The following TASP1 variants were observed in gnomAD, a reference collection of about 807,000 sequenced individuals.
TASP1 encodes the protein threonine aspartase 1.
A neutral mutation model predicts 56.6 loss-of-function variants in TASP1; 16 were observed. The ratio of observed to expected loss-of-function variants is 0.28; its 90% CI spans 0.19 to 0.43. TASP1 has a LOEUF of 0.43. TASP1 is among the 20% of genes least tolerant of loss of function. TASP1 has a pLI of 1.00. For missense variants in TASP1, 393 were observed against 511.6 expected (o/e 0.77, Z 2.24); for synonymous variants, 179 against 184.2 (o/e 0.97, Z 0.23).
chr20:13,228,596 G>A, the TASP1 span, among the ~76,000 whole-genome samples: 12 of 151,168 alleles, frequency 7.9e-5, no homozygotes, highest in East Asian at 3.9e-4. Context: ...TTTAATGTTC[G>A]GAAATTTTAC....
At chr20:13,417,359 GA>G in intron 13 of TASP1, 88 bp downstream of exon 13, 2 of 1,438,256 alleles carry the variant, frequency 1.4e-6, no homozygotes, top group Non-Finnish European at 1.9e-6. Context: ...AAAAAAAGCT[GA>G]AAAAATTCAT....
the TASP1 span, among the ~76,000 whole-genome samples, chr20:13,259,107 AC>A: frequency 6.6e-6 from 1 of 151,776 alleles, no homozygotes; most frequent in Non-Finnish European, 1.5e-5. Context: ...ACATGGTGAA[AC>A]CCCGTCTCTA....
chr20:13,455,918 AT>A (rs1295658976), intron 11 of TASP1, among the ~76,000 whole-genome samples: 1 of 152,158 alleles, frequency 6.6e-6, no homozygotes, highest in Admixed American at 6.6e-5. Flanking sequence ...TGACTAAAAA[AT>A]TTAAGTTGAA....
the TASP1 span, among the ~76,000 whole-genome samples, chr20:13,370,909 T>C: frequency 1.3e-5 from 2 of 152,212 alleles, no homozygotes; most frequent in Non-Finnish European, 2.9e-5. Context: ...TGCTGTTTTC[T>C]GTAAGAATTT....
intron 10 of TASP1, among the ~76,000 whole-genome samples, chr20:13,521,094 G>A (rs2044733489): frequency 6.6e-6 from 1 of 152,196 alleles, no homozygotes; most frequent in African/African-American, 2.4e-5. Context: ...ACACCAGTTA[G>A]AATGGTGATC....
At chr20:13,221,658 C>A in the TASP1 span, 6 of 859,596 alleles carry the variant, frequency 7.0e-6, no homozygotes, top group African/African-American at 1.8e-5. Flanking sequence ...GGAGCCCTGG[C>A]GGGAGCCGAG....
At chr20:13,309,748 G>A in the TASP1 span, among the ~76,000 whole-genome samples, 1 of 151,924 alleles carries the variant, frequency 6.6e-6, no homozygotes, top group Non-Finnish European at 1.5e-5. Flanking sequence ...ATTCAGTAAA[G>A]TCATAGGATA....
the TASP1 span, among the ~76,000 whole-genome samples, chr20:13,226,924 G>C: frequency 1.3e-5 from 2 of 152,120 alleles, no homozygotes. Context: ...AAGAGCATGC[G>C]TACAGGGAGG....
chr20:13,160,268 C>A, the TASP1 span: 2 of 1,079,092 alleles, frequency 1.9e-6, no homozygotes, highest in Non-Finnish European at 2.5e-6. Context: ...AAAGTCACTG[C>A]CAAAAAACAA....
At chr20:13,334,027 A>T in the TASP1 span, among the ~76,000 whole-genome samples, 3 of 152,224 alleles carry the variant, frequency 2.0e-5, no homozygotes, top group Non-Finnish European at 4.4e-5. Context: ...GGCAGAACAC[A>T]GCAAGTTCCA....
At chr20:13,497,426 G>C (rs1396029286) in intron 10 of TASP1, among the ~76,000 whole-genome samples, 1 of 152,154 alleles carries the variant, frequency 6.6e-6, no homozygotes, top group African/African-American at 2.4e-5. Flanking sequence ...CTCATAGGTG[G>C]GTGAAAGTAA....
At chr20:13,372,890 C>T in the TASP1 span, among the ~76,000 whole-genome samples, 1 of 151,994 alleles carries the variant, frequency 6.6e-6, no homozygotes, top group African/African-American at 2.4e-5. Context: ...CATCAAGAAA[C>T]AGAAATGTTC....
At chr20:13,613,761 A>G (rs148858755) in intron 4 of TASP1, among the ~76,000 whole-genome samples, 1 of 152,168 alleles carries the variant, frequency 6.6e-6, no homozygotes, top group Non-Finnish European at 1.5e-5. Flanking sequence ...AAAGAGTAAA[A>G]AGTTCAAGAA....
intron 1 of TASP1, among the ~76,000 whole-genome samples, chr20:13,634,638 G>A (rs1460345359): frequency 1.3e-5 from 2 of 151,412 alleles, no homozygotes; most frequent in African/African-American, 4.9e-5. Flanking sequence ...GTTGAGACAG[G>A]AGAATCGCTT....
At chr20:13,530,852 G>A (rs1176929923) in intron 9 of TASP1, among the ~76,000 whole-genome samples, 1 of 152,026 alleles carries the variant, frequency 6.6e-6, no homozygotes, top group Non-Finnish European at 1.5e-5. Flanking sequence ...GATAAAATAT[G>A]GCAACCTTAA....
At chr20:13,587,393 A>G in intron 4 of TASP1, 23 bp from the exon 5 acceptor site, 3 of 1,572,212 alleles carry the variant, frequency 1.9e-6, no homozygotes, top group Admixed American at 1.9e-5. Flanking sequence ...AACAAAAATT[A>G]AAATATCATT....
chr20:13,412,283 C>T (rs961271846), intron 13 of TASP1, among the ~76,000 whole-genome samples: 3 of 152,170 alleles, frequency 2.0e-5, no homozygotes, highest in African/African-American at 7.2e-5. Flanking sequence ...TCTTTATATA[C>T]CTCTGTGTTG....
At chr20:13,316,859 C>T in the TASP1 span, among the ~76,000 whole-genome samples, 5 of 151,854 alleles carry the variant, frequency 3.3e-5, no homozygotes, top group Non-Finnish European at 7.4e-5. Flanking sequence ...AAAGCTTTCC[C>T]ACTAAGATTA....
At chr20:13,147,480 G>C in the TASP1 span, among the ~76,000 whole-genome samples, 2 of 152,170 alleles carry the variant, frequency 1.3e-5, no homozygotes, top group East Asian at 3.9e-4. Flanking sequence ...GCTGTCCATT[G>C]AAACTTTACT....
Sources: gnomAD v4.1 joint callset for allele counts (sites outside exome capture counted in the v4.1 genomes callset) on GRCh38, gnomAD v4.1.1 for gene constraint, MANE v1.5 for transcripts, NCBI Gene and HGNC (gene_info 2026-07-23, HGNC 2026-07-21) for gene names.